Variants in PRKCB observed in about 807,000 individuals in gnomAD.
The protein encoded by PRKCB is protein kinase C beta type.
In PRKCB, 13 loss-of-function variants were observed where a neutral mutation model predicts 81.5. That is an observed-to-expected ratio of 0.16 (90% CI 0.10 to 0.25). The LOEUF is 0.25. Among genes scored for constraint, PRKCB ranks in the 10% least tolerant of loss-of-function variants. PRKCB has a pLI of 1.00. For synonymous variants in PRKCB, 335 were observed against 321.4 expected, an observed-to-expected ratio of 1.04 and a Z score of -0.45; for missense variants, 509 against 875.7, an observed-to-expected ratio of 0.58 and a Z score of 5.29.
At chr16:24,167,077 A>G (rs1415069971) in intron 10 of PRKCB, among the ~76,000 whole-genome samples, 1 of 151,908 alleles carries the variant, frequency 6.6e-6, no homozygotes, top group Non-Finnish European at 1.5e-5. Flanking sequence ...AATTTTTAAA[A>G]CAAGTGTTTT....
At chr16:23,971,488 G>C (rs1444598741) in intron 2 of PRKCB, among the ~76,000 whole-genome samples, 1 of 152,142 alleles carries the variant, frequency 6.6e-6, no homozygotes, top group South Asian at 2.1e-4. Context: ...CCTGTGGACT[G>C]TATCTCCTGG....
At chr16:23,884,953 G>C (rs965499808) in intron 2 of PRKCB, among the ~76,000 whole-genome samples, 2 of 3,488 alleles carry the variant, frequency 5.7e-4, no homozygotes, top group East Asian at 0.028. Context: ...GGCACTCCCA[G>C]GTTCTCAAGA....
chr16:23,882,005 TCTTTCTTTCTTTCTTTCTTCCTTC>T (rs1188273895), intron 2 of PRKCB, among the ~76,000 whole-genome samples: 12 of 63,096 alleles, frequency 1.9e-4, no homozygotes, highest in South Asian at 5.6e-4. Flanking sequence ...TTTCTTTCTT[TCTTTCTTTCTTTCTTTCTTCCTTC>T]CTTCCTTCCT....
At chr16:24,075,944 T>G (rs904286685) in intron 5 of PRKCB, among the ~76,000 whole-genome samples, 5 of 152,178 alleles carry the variant, frequency 3.3e-5, no homozygotes, top group Non-Finnish European at 7.3e-5. Flanking sequence ...ATTTCTTTTT[T>G]TTTGTTTGTT....
intron 7 of PRKCB, among the ~76,000 whole-genome samples, chr16:24,107,585 G>A (rs1421608263): frequency 6.6e-6 from 1 of 152,198 alleles, no homozygotes; most frequent in Admixed American, 6.5e-5. Context: ...GCATCTCAAA[G>A]TCAGAAGGGG....
intron 10 of PRKCB, among the ~76,000 whole-genome samples, chr16:24,168,192 G>A (rs112415188): frequency 3.3e-5 from 5 of 152,264 alleles, no homozygotes; most frequent in African/African-American, 1.2e-4. Context: ...TATTCTGTGG[G>A]CAAGTGAAAA....
chr16:23,856,954 G>C (rs546101061), intron 2 of PRKCB, among the ~76,000 whole-genome samples: 1 of 152,158 alleles, frequency 6.6e-6, no homozygotes, highest in African/African-American at 2.4e-5. Context: ...TAGAGAAGAG[G>C]CTCTGGGGGC....
intron 5 of PRKCB, among the ~76,000 whole-genome samples, chr16:24,054,226 C>T (rs1250945628): frequency 6.6e-6 from 1 of 152,198 alleles, no homozygotes; most frequent in Admixed American, 6.5e-5. Context: ...ACCCTCTTGC[C>T]TCAGCCTCCC....
At chr16:23,951,033 A>G (rs1391131546) in intron 2 of PRKCB, among the ~76,000 whole-genome samples, 3 of 152,122 alleles carry the variant, frequency 2.0e-5, no homozygotes, top group African/African-American at 7.2e-5. Context: ...ATCCCAGAGG[A>G]GCCATAGGGA....
At chr16:24,020,285 G>A (rs570102710) in intron 3 of PRKCB, among the ~76,000 whole-genome samples, 1 of 152,138 alleles carries the variant, frequency 6.6e-6, no homozygotes, top group Non-Finnish European at 1.5e-5. Flanking sequence ...TTAAAAATAG[G>A]TTTATTTAAA....
chr16:24,200,370 T>C (rs1967939600), intron 16 of PRKCB, among the ~76,000 whole-genome samples: 1 of 148,698 alleles, frequency 6.7e-6, no homozygotes. Context: ...TTTATCTCTC[T>C]CCACCTATCT....
rs560524089 is a variant in PRKCB at position 23,942,118 on chromosome 16, A to G, written c.206-46390A>G. Among the ~76,000 whole-genome samples, 65 of 152,362 alleles carry G rather than the reference A, an allele frequency of 4.3e-4. 1 individual carries two copies. Among genetic ancestry groups the G allele is most frequent in the East Asian group, 3.9e-4 (2 of 5,184 alleles). ...GAGCATCTCTAACTTGGTGGATGAC[A>G]TAATGGAAAAATAATCCCTTTTGGT... On this transcript the variant is annotated intron_variant, in intron 2 of 16. Coordinates refer to ENST00000643927, the MANE Select transcript of PRKCB (RefSeq NM_002738.7).
chr16:23,845,964 T>C (rs143270743), intron 2 of PRKCB, among the ~76,000 whole-genome samples: 7 of 152,348 alleles, frequency 4.6e-5, no homozygotes, highest in Non-Finnish European at 8.8e-5. Context: ...AGAGGCATTT[T>C]GAGCTGAAAG....
intron 2 of PRKCB, among the ~76,000 whole-genome samples, chr16:23,870,673 G>A (rs1385959788): frequency 6.6e-6 from 1 of 152,224 alleles, no homozygotes; most frequent in Non-Finnish European, 1.5e-5. Flanking sequence ...CTACCTGCAC[G>A]TAGGTTGATC....
chr16:24,118,551 G>A (rs1966761947), intron 8 of PRKCB, among the ~76,000 whole-genome samples: 1 of 152,200 alleles, frequency 6.6e-6, no homozygotes, highest in South Asian at 2.1e-4. Flanking sequence ...GGAATCTGCA[G>A]TTTTAGCCAG....
intron 2 of PRKCB, among the ~76,000 whole-genome samples, chr16:23,971,342 G>A (rs997128896): frequency 6.6e-6 from 1 of 152,182 alleles, no homozygotes; most frequent in Non-Finnish European, 1.5e-5. Context: ...TGGCCTCTGG[G>A]AGTGTTTCCT....
At chr16:23,869,814 G>C (rs1349211400) in intron 2 of PRKCB, among the ~76,000 whole-genome samples, 2 of 152,134 alleles carry the variant, frequency 1.3e-5, no homozygotes, top group African/African-American at 4.8e-5. Flanking sequence ...CTGGGGTCAG[G>C]AGTTTGAGAC....
intron 16 of PRKCB, among the ~76,000 whole-genome samples, chr16:24,198,034 T>C (rs901727545): frequency 2.6e-5 from 4 of 152,142 alleles, no homozygotes; most frequent in Non-Finnish European, 2.9e-5. Flanking sequence ...TTGCAAAGAA[T>C]GTAGTGATAT....
intron 9 of PRKCB, among the ~76,000 whole-genome samples, chr16:24,147,830 C>T (rs980787988): frequency 4.6e-5 from 7 of 152,088 alleles, no homozygotes; most frequent in Admixed American, 3.9e-4. Context: ...TTCCACCTTA[C>T]GTATTTACTG....
Sources: allele counts gnomAD v4.1 joint callset (sites outside exome capture counted in the v4.1 genomes callset), GRCh38; gene constraint gnomAD v4.1.1; transcripts MANE v1.5; gene names NCBI Gene and HGNC (gene_info 2026-07-23, HGNC 2026-07-21).